The following IL1RAPL1 variants were observed in gnomAD, a reference collection of about 807,000 sequenced individuals.
IL1RAPL1 encodes interleukin 1 receptor accessory protein like 1.
IL1RAPL1 carries 3 observed loss-of-function variants against 48.4 expected under a neutral mutation model. The observed-to-expected ratio is 0.06, with a 90% confidence interval of 0.03 to 0.16. IL1RAPL1 has a LOEUF of 0.16. IL1RAPL1 is among the 10% of genes least tolerant of loss of function. IL1RAPL1 has a pLI of 1.00. For synonymous variants in IL1RAPL1, 185 were observed against 187.7 expected (o/e 0.99, Z 0.12); for missense variants, 349 against 530.6 (o/e 0.66, Z 3.36).
At chrX:28,907,107 C>T (rs953808607) in intron 2 of IL1RAPL1, among the ~76,000 whole-genome samples, 1 of 110,951 alleles carries the variant, frequency 9.0e-6, no homozygotes, top group Non-Finnish European at 1.9e-5. Flanking sequence ...GGGAAGTCCA[C>T]TTTTATTCCA....
chrX:28,896,398 G>A (rs1164582286), intron 2 of IL1RAPL1, among the ~76,000 whole-genome samples: 2 of 111,895 alleles, frequency 1.8e-5, no homozygotes, highest in African/African-American at 6.5e-5. Flanking sequence ...GCTGCCGAAT[G>A]AGCCATGAAC....
intron 2 of IL1RAPL1, among the ~76,000 whole-genome samples, chrX:29,045,103 G>GT (rs1472389580): frequency 1.8e-5 from 2 of 111,198 alleles, no homozygotes; most frequent in Non-Finnish European, 3.8e-5. Flanking sequence ...AGGAAAACTC[G>GT]AGAGGTCCAA....
intron 2 of IL1RAPL1, among the ~76,000 whole-genome samples, chrX:28,875,794 G>A (rs1183507236): frequency 8.9e-6 from 1 of 111,780 alleles, no homozygotes; most frequent in Non-Finnish European, 1.9e-5. Flanking sequence ...GGCCAAAAAA[G>A]CCTTGTAACC....
chrX:29,842,437 A>G (rs992240938), intron 6 of IL1RAPL1, among the ~76,000 whole-genome samples: 1 of 112,268 alleles, frequency 8.9e-6, no homozygotes, highest in Non-Finnish European at 1.9e-5. Flanking sequence ...AAAACCGTTC[A>G]AAACATTTCA....
chrX:29,367,168 ATTTG>A (rs1176233334), intron 3 of IL1RAPL1, among the ~76,000 whole-genome samples: 1 of 111,493 alleles, frequency 9.0e-6, no homozygotes, highest in East Asian at 2.8e-4. Context: ...CCCTGTTGTA[ATTTG>A]TTTGTTTAAT....
At chrX:29,732,802 C>T (rs757777303) in intron 6 of IL1RAPL1, among the ~76,000 whole-genome samples, 6 of 112,115 alleles carry the variant, frequency 5.4e-5, no homozygotes, top group Non-Finnish European at 1.1e-4. Flanking sequence ...ATCTTATCAA[C>T]GCTTAGTAGT....
chrX:28,751,996 T>C (rs909298327), intron 1 of IL1RAPL1, among the ~76,000 whole-genome samples: 1 of 111,986 alleles, frequency 8.9e-6, no homozygotes, highest in Non-Finnish European at 1.9e-5. Context: ...CTTGTGATGG[T>C]TTTAACAATT....
intron 5 of IL1RAPL1, among the ~76,000 whole-genome samples, chrX:29,502,100 T>C (rs1935281773): frequency 9.0e-6 from 1 of 111,418 alleles, no homozygotes; most frequent in South Asian, 3.7e-4. Context: ...ATAAATGAGA[T>C]TTCTTTCTTG....
intron 5 of IL1RAPL1, among the ~76,000 whole-genome samples, chrX:29,498,739 A>G (rs934260890): frequency 1.1e-4 from 12 of 111,715 alleles, no homozygotes; most frequent in Non-Finnish European, 2.3e-4. Flanking sequence ...ATTCTGTCCC[A>G]TAAATTCAGA....
Position 29,367,552 on chromosome X carries a change from T to TTTTATTTA in IL1RAPL1, c.363-28667_363-28660dup, listed in dbSNP as rs35288881. Reference sequence around the variant, plus strand: ...GTAGAGCAAAAGGGCTTCTATTTATTTTTATTTATTTATTTATTTATTTAT... The same window carrying TTTTATTTA: ...GTAGAGCAAAAGGGCTTCTATTTATTTTTATTTATTTATTTATTTATTTATTTATTTAT... On this transcript the variant is annotated intron_variant, in intron 3 of 10. Transcript: ENST00000378993. Among the ~76,000 whole-genome samples the TTTTATTTA allele has an allele frequency of 7.6e-3, 753 of 98,511 alleles. 9 individuals carry two copies. Among genetic ancestry groups the TTTTATTTA allele is most frequent in the East Asian group, 0.039 (114 of 2,931 alleles). The allele number at this position is 98,511 out of a possible 115,157, so 85.5% of individuals were successfully genotyped here.
chrX:29,355,275 G>A (rs1447602921), intron 3 of IL1RAPL1, among the ~76,000 whole-genome samples: 1 of 111,450 alleles, frequency 9.0e-6, no homozygotes, highest in Non-Finnish European at 1.9e-5. Flanking sequence ...ATATTTTGGG[G>A]TATCATATTC....
At chrX:28,593,416 A>G (rs1933923846) in intron 1 of IL1RAPL1, among the ~76,000 whole-genome samples, 1 of 112,066 alleles carries the variant, frequency 8.9e-6, no homozygotes, top group Non-Finnish European at 1.9e-5. Context: ...CCATTTTAAT[A>G]TCACAATATT....
intron 6 of IL1RAPL1, among the ~76,000 whole-genome samples, chrX:29,842,876 C>A (rs979567080): frequency 4.5e-5 from 5 of 111,917 alleles, no homozygotes; most frequent in African/African-American, 1.3e-4. Flanking sequence ...GTGGCATTAA[C>A]TATAAGCTGT....
At chrX:28,710,209 A>G (rs1353355980) in intron 1 of IL1RAPL1, among the ~76,000 whole-genome samples, 1 of 111,585 alleles carries the variant, frequency 9.0e-6, no homozygotes, top group Non-Finnish European at 1.9e-5. Context: ...ATACTAAACA[A>G]ATCTCTGACT....
intron 1 of IL1RAPL1, among the ~76,000 whole-genome samples, chrX:28,698,087 A>AGAAT (rs1234531299): frequency 9.0e-6 from 1 of 111,699 alleles, no homozygotes; most frequent in African/African-American, 3.2e-5. Context: ...TAGCTGAGAG[A>AGAAT]GAATGAATGA....
At chrX:29,082,220 T>G (rs1004408177) in intron 2 of IL1RAPL1, among the ~76,000 whole-genome samples, 2 of 111,993 alleles carry the variant, frequency 1.8e-5, no homozygotes, top group Non-Finnish European at 3.8e-5. Flanking sequence ...ATAAAATCAT[T>G]TTGAGAGGTA....
At chrX:28,759,736 G>T (rs932777557) in intron 1 of IL1RAPL1, among the ~76,000 whole-genome samples, 12 of 111,608 alleles carry the variant, frequency 1.1e-4, no homozygotes, top group African/African-American at 3.6e-4. Flanking sequence ...TAATAAAATG[G>T]TACGAAATGA....
chrX:29,900,581 G>A (rs905361338), intron 6 of IL1RAPL1, among the ~76,000 whole-genome samples: 2 of 111,903 alleles, frequency 1.8e-5, no homozygotes, highest in African/African-American at 6.5e-5. Context: ...ATAAACCAAG[G>A]TCTAAGTAAA....
chrX:29,201,229 C>G (rs1930548538), intron 2 of IL1RAPL1, among the ~76,000 whole-genome samples: 1 of 111,748 alleles, frequency 8.9e-6, no homozygotes, highest in African/African-American at 3.3e-5. Flanking sequence ...GTCTTATTAA[C>G]TACAAGTATA....
Sources: allele counts gnomAD v4.1 joint callset (sites outside exome capture counted in the v4.1 genomes callset), GRCh38; gene constraint gnomAD v4.1.1; transcripts MANE v1.5; gene names NCBI Gene and HGNC (gene_info 2026-07-23, HGNC 2026-07-21).